The following TIAM1 variants were observed in gnomAD, a reference collection of about 807,000 sequenced individuals.
The protein encoded by TIAM1 is rho guanine nucleotide exchange factor TIAM1.
In TIAM1, 65 loss-of-function variants were observed where a neutral mutation model predicts 163.5. The ratio of observed to expected loss-of-function variants is 0.40; its 90% CI spans 0.33 to 0.49. The LOEUF is 0.49. Ranked by LOEUF, TIAM1 falls within the 20% of genes least tolerant of loss-of-function variation. The pLI is 0.77. For synonymous variants in TIAM1, 833 were observed against 810.1 expected, an observed-to-expected ratio of 1.03 and a Z score of -0.48; for missense variants, 1,789 against 2,044.7, an observed-to-expected ratio of 0.87 and a Z score of 2.41.
At chr21:31,451,744 T>C (rs2776259) in intron 2 of TIAM1, among the ~76,000 whole-genome samples, 10 of 124,534 alleles carry the variant, frequency 8.0e-5, no homozygotes, top group African/African-American at 2.8e-4. Context: ...TGTGTGTGTG[T>C]GTGTGTGTGT....
chr21:31,418,177 A>T (rs1008864256), intron 2 of TIAM1, among the ~76,000 whole-genome samples: 2 of 151,816 alleles, frequency 1.3e-5, no homozygotes, highest in Non-Finnish European at 2.9e-5. Flanking sequence ...CCCCATCTCT[A>T]CTGAAAGTAC....
In TIAM1 at chr21:31,172,725, C is replaced by G. The variant is rs148534802; in HGVS notation, c.2888-7660G>C. On this transcript the variant is annotated intron_variant, in intron 15 of 27. Coordinates refer to ENST00000541036, the MANE Select transcript of TIAM1 (RefSeq NM_001353694.2). ...CCAAATCAAAAGCTGCTATAGAGCC[C>G]GGCGCAGTGGCTCACAACTGTAATC... Among the ~76,000 whole-genome samples, 1,021 of 152,188 alleles carry G rather than the reference C, an allele frequency of 6.7e-3. 11 individuals are homozygous for G. Among genetic ancestry groups the G allele is most frequent in the African/African-American group, 0.023 (948 of 41,520 alleles).
intron 15 of TIAM1, among the ~76,000 whole-genome samples, chr21:31,170,000 A>G (rs2084424804): frequency 6.6e-6 from 1 of 152,202 alleles, no homozygotes; most frequent in South Asian, 2.1e-4. Flanking sequence ...AAGGAAAAGA[A>G]AAACAAGCAA....
At chr21:31,445,299 T>C (rs1569337797) in intron 2 of TIAM1, among the ~76,000 whole-genome samples, 1 of 152,222 alleles carries the variant, frequency 6.6e-6, no homozygotes, top group Non-Finnish European at 1.5e-5. Flanking sequence ...CCCTGCTGGC[T>C]TCAACCTTCT....
chr21:31,531,780 C>T (rs2047979716), intron 1 of TIAM1, among the ~76,000 whole-genome samples: 1 of 150,036 alleles, frequency 6.7e-6, no homozygotes. Flanking sequence ...AAAAAGATGC[C>T]TCCTTGGGAG....
chr21:31,508,720 C>A (rs1473219335), intron 1 of TIAM1, among the ~76,000 whole-genome samples: 4 of 152,112 alleles, frequency 2.6e-5, no homozygotes, highest in African/African-American at 9.7e-5. Flanking sequence ...AACTTTCGAT[C>A]CTGGCCTGTG....
intron 23 of TIAM1, among the ~76,000 whole-genome samples, chr21:31,131,419 A>G (rs532733812): frequency 6.0e-4 from 91 of 152,382 alleles, no homozygotes; most frequent in African/African-American, 2.0e-3. Flanking sequence ...TTTGACCTAA[A>G]GAAACAAAAA....
intron 1 of TIAM1, among the ~76,000 whole-genome samples, chr21:31,511,943 T>C (rs995481388): frequency 5.1e-4 from 77 of 152,230 alleles, no homozygotes; most frequent in African/African-American, 1.8e-3. Context: ...ATCTCAGCCA[T>C]GGGCACGAAG....
Position 31,120,353 on chromosome 21 carries a change from G to C in TIAM1, c.*15C>G. ...GAAGTATCTACACACATTCTCTACG[G>C]GGCAGGTGACGCAGTCAGATCTCAG... On this transcript the variant is annotated 3_prime_UTR_variant, in exon 28 of 28. Coordinates refer to ENST00000541036, the MANE Select transcript of TIAM1 (RefSeq NM_001353694.2). This position sits in a 1 kb window ranked among gnomAD's most constrained non-coding sequence, Gnocchi z 4.2. The C allele has an allele frequency of 6.3e-7, 1 of 1,591,530 alleles. No homozygotes were observed. Among genetic ancestry groups the C allele is most frequent in the Non-Finnish European group, 8.6e-7 (1 of 1,168,178 alleles).
intron 5 of TIAM1, among the ~76,000 whole-genome samples, chr21:31,248,775 G>A (rs556299425): frequency 1.8e-4 from 27 of 152,138 alleles, no homozygotes; most frequent in African/African-American, 6.5e-4. Flanking sequence ...CAAAGAACTC[G>A]GTGGCTCCAT....
chr21:31,213,849 G>A (rs2087015944), intron 9 of TIAM1, among the ~76,000 whole-genome samples: 1 of 119,722 alleles, frequency 8.4e-6, no homozygotes, highest in Admixed American at 1.0e-4. Context: ...GGGCAATATA[G>A]TTAGACCTCA....
chr21:31,389,206 T>TTTTCA (rs2076929157), intron 2 of TIAM1, among the ~76,000 whole-genome samples: 1 of 152,104 alleles, frequency 6.6e-6, no homozygotes, highest in African/African-American at 2.4e-5. Context: ...TATTTTATTA[T>TTTTCA]TTTTATTTTA....
chr21:31,194,184 C>T (rs1030315739), intron 13 of TIAM1, among the ~76,000 whole-genome samples: 1 of 151,932 alleles, frequency 6.6e-6, no homozygotes, highest in African/African-American at 2.4e-5. Context: ...CTTGTGTGTC[C>T]GCATCCTCGA....
chr21:31,350,091 G>C (rs1026868785), intron 2 of TIAM1, among the ~76,000 whole-genome samples: 7 of 152,194 alleles, frequency 4.6e-5, no homozygotes, highest in African/African-American at 1.7e-4. Flanking sequence ...TCTGGCACTA[G>C]TTACGTGTCA....
chr21:31,226,292 TTTCCAGA>T (rs1342212090), intron 6 of TIAM1, among the ~76,000 whole-genome samples: 2 of 152,140 alleles, frequency 1.3e-5, no homozygotes, highest in Non-Finnish European at 2.9e-5. Context: ...CAAAGGTCAG[TTTCCAGA>T]TAGGATCGGT....
chr21:31,371,435 G>A (rs1033739995), intron 2 of TIAM1, among the ~76,000 whole-genome samples: 2 of 152,154 alleles, frequency 1.3e-5, no homozygotes, highest in South Asian at 4.1e-4. Flanking sequence ...GGGGTCTCTG[G>A]AGGAAGGGAT....
intron 1 of TIAM1, among the ~76,000 whole-genome samples, chr21:31,519,136 T>C (rs553030786): frequency 5.8e-4 from 88 of 151,720 alleles, no homozygotes; most frequent in African/African-American, 2.0e-3. Flanking sequence ...AGAAACCCCG[T>C]CTCTACTAAA....
intron 2 of TIAM1, among the ~76,000 whole-genome samples, chr21:31,459,536 G>T (rs1213422424): frequency 6.6e-6 from 1 of 152,176 alleles, no homozygotes; most frequent in Non-Finnish European, 1.5e-5. Context: ...TATTTCAAAA[G>T]AAGAGAAAAG....
intron 2 of TIAM1, among the ~76,000 whole-genome samples, chr21:31,293,231 C>T (rs2074101248): frequency 6.6e-6 from 1 of 152,004 alleles, no homozygotes. Flanking sequence ...CAGTTTGAGT[C>T]CAAGGGCATC....
Sources: allele counts gnomAD v4.1 joint callset (sites outside exome capture counted in the v4.1 genomes callset), GRCh38; gene constraint gnomAD v4.1.1; non-coding constraint Gnocchi (gnomAD v3.1); transcripts MANE v1.5; gene names NCBI Gene and HGNC (gene_info 2026-07-23, HGNC 2026-07-21).